BCLAF3: variants seen among roughly 807,000 people sequenced by gnomAD.
BCLAF3 encodes the protein BCLAF1 and THRAP3 family member 3, also known as transient octamer binding factor 1.
Under a neutral mutation model 51.2 loss-of-function variants are expected in BCLAF3, and 24 were observed. The observed-to-expected ratio is 0.47, with a 90% CI of 0.34 to 0.66. BCLAF3 has a LOEUF of 0.66. Among genes scored for constraint, BCLAF3 ranks in the 30% least tolerant of loss-of-function variants. BCLAF3 has a pLI of 0.01. For synonymous variants in BCLAF3, 152 were observed against 176.6 expected (o/e 0.86, Z 1.10); for missense variants, 465 against 525.1 (o/e 0.89, Z 1.12).
intron 8 of BCLAF3, among the ~76,000 whole-genome samples, chrX:19,937,894 C>T (rs2070834340): frequency 8.9e-6 from 1 of 111,806 alleles, no homozygotes; most frequent in South Asian, 3.7e-4. Flanking sequence ...GGCAGCACTG[C>T]CCCCCTCCCC....
chrX:19,941,556 G>A (rs12689724), intron 8 of BCLAF3, among the ~76,000 whole-genome samples: 30 of 108,142 alleles, frequency 2.8e-4, no homozygotes, highest in Admixed American at 4.9e-4. Flanking sequence ...TGTTTTTCTC[G>A]GGTTTGTCAA....
chrX:19,975,534 G>A (rs1395909479), intron 1 of BCLAF3, among the ~76,000 whole-genome samples: 1 of 111,190 alleles, frequency 9.0e-6, no homozygotes, highest in African/African-American at 3.3e-5. Context: ...AGTAGAGACA[G>A]GGTTTCACCA....
rs184285832 is a variant in BCLAF3, at chrX:19,978,376, C to T, written c.-34-8078G>A. ...AACAGGGGTTTGGAAGAAGTTGATT[C>T]CAACTCTCACGGATGATTTTGAGGG... On this transcript the variant is annotated intron_variant, in intron 1 of 11. Transcript: ENST00000379682. Among the ~76,000 whole-genome samples the T allele has an allele frequency of 4.8e-3, 530 of 111,268 alleles. 3 individuals are homozygous for T. Among genetic ancestry groups the T allele is most frequent in the Middle Eastern group, 0.014 (3 of 214 alleles).
At chrX:19,990,575 T>TG (rs2072908405) in intron 1 of BCLAF3, among the ~76,000 whole-genome samples, 1 of 113,143 alleles carries the variant, frequency 8.8e-6, no homozygotes, top group Non-Finnish European at 1.9e-5. Context: ...TCTTAACAGA[T>TG]GCAGGGAACC....
intron 4 of BCLAF3, among the ~76,000 whole-genome samples, chrX:19,959,646 C>T (rs1160664640): frequency 5.5e-5 from 6 of 108,366 alleles, no homozygotes; most frequent in African/African-American, 1.0e-4. Flanking sequence ...GGCATGGTGG[C>T]GTGTGCCTAT....
At chrX:19,926,740 A>G in intron 11 of BCLAF3, among the ~76,000 whole-genome samples, 1 of 111,241 alleles carries the variant, frequency 9.0e-6, no homozygotes, top group East Asian at 2.8e-4. Flanking sequence ...CCTTGAGTGA[A>G]AATCAATGAC....
At chrX:19,933,893 C>T (rs777577608) in intron 10 of BCLAF3, among the ~76,000 whole-genome samples, 2 of 111,482 alleles carry the variant, frequency 1.8e-5, no homozygotes, top group Admixed American at 1.9e-4. Flanking sequence ...ACCTCAGCCT[C>T]CTGAGTAGCT....
intron 8 of BCLAF3, among the ~76,000 whole-genome samples, chrX:19,946,797 A>C (rs1393301333): frequency 1.8e-5 from 2 of 111,630 alleles, no homozygotes; most frequent in Non-Finnish European, 3.8e-5. Context: ...CCCTCTCTTG[A>C]AATACTATCC....
chrX:19,917,632 C>T (rs905721641), intron 11 of BCLAF3, among the ~76,000 whole-genome samples: 6 of 111,642 alleles, frequency 5.4e-5, no homozygotes, highest in African/African-American at 1.9e-4. Flanking sequence ...TGAAGGCATC[C>T]CTGGCATAAA....
intron 8 of BCLAF3, among the ~76,000 whole-genome samples, chrX:19,938,239 T>C (rs1407244962): frequency 9.0e-6 from 1 of 110,581 alleles, no homozygotes; most frequent in Non-Finnish European, 1.9e-5. Context: ...CCCCTTCCTG[T>C]GTCTTCTGCA....
intron 1 of BCLAF3, among the ~76,000 whole-genome samples, chrX:19,972,434 T>C (rs1166230181): frequency 1.3e-4 from 15 of 112,116 alleles, no homozygotes; most frequent in African/African-American, 4.9e-4. Flanking sequence ...CTGATGATAA[T>C]GAGAAAGGAA....
In BCLAF3 at chrX:19,966,494, C is replaced by T. The variant is rs371556988; in HGVS notation, c.197G>A (p.Arg66His). ...ATAAGACTGGTAATATATATTTCCA[C>T]GAGAGGGAATCCTTGGTTTACTCTG... ...HGQSKPRIPSRGNIYYQSYEH... is the reference protein window; with the variant it reads ...HGQSKPRIPSHGNIYYQSYEH... The change falls in exon 3 of 12, where the codon CGT (arginine) becomes CAT (histidine). Residue 66 changes from arginine to histidine, a missense_variant. Physicochemically the swap from Arg to His is conservative, Grantham distance 29 (BLOSUM62 0). Transcript: ENST00000379682. 101 of 1,209,277 alleles carry T rather than the reference C, an allele frequency of 8.4e-5. No individual in the cohort carries two copies. Among genetic ancestry groups the T allele is most frequent in the Admixed American group, 1.1e-4 (5 of 45,621 alleles).
chrX:19,951,233 A>C (rs1223345232), intron 7 of BCLAF3, among the ~76,000 whole-genome samples: 2 of 111,928 alleles, frequency 1.8e-5, no homozygotes, highest in African/African-American at 6.5e-5. Context: ...AGTCAAAAGA[A>C]TAATGTACAA....
chrX:19,928,444 G>T (rs189083806), intron 11 of BCLAF3, among the ~76,000 whole-genome samples: 1 of 109,159 alleles, frequency 9.2e-6, no homozygotes, highest in Non-Finnish European at 1.9e-5. Context: ...TTAGCCAGGC[G>T]TAGTGGCAGG....
rs774147202 is a variant in BCLAF3 at position 19,917,354 on chromosome X, GAAAT to G, written c.2107-24_2107-21del. On this transcript the variant is annotated intron_variant, in intron 11 of 11. Coordinates refer to ENST00000379682, the MANE Select transcript of BCLAF3 (RefSeq NM_001367774.2). ...ATATTCCTATTGAGAGAAAACAAGA[GAAAT>G]AAAGACTTCAAACAAAGTGTCAAAC... The G allele has an allele frequency of 1.7e-5, 20 of 1,160,955 alleles. No individual in the cohort carries two copies. In the African/African-American group the frequency reaches 3.6e-4, roughly 21 times the overall value.
intron 8 of BCLAF3, among the ~76,000 whole-genome samples, chrX:19,940,733 G>A (rs1207308671): frequency 3.7e-5 from 4 of 108,778 alleles, no homozygotes; most frequent in Admixed American, 9.9e-5. Context: ...ATAAACATAC[G>A]TGTGCATGTG....
chrX:19,978,710 A>G (rs1172808446), intron 1 of BCLAF3, among the ~76,000 whole-genome samples: 3 of 111,895 alleles, frequency 2.7e-5, no homozygotes, highest in African/African-American at 9.7e-5. Context: ...TGCTACTGTG[A>G]GTAAAATGCT....
chrX:19,983,109 C>T (rs772158760), intron 1 of BCLAF3, among the ~76,000 whole-genome samples: 67 of 106,282 alleles, frequency 6.3e-4, no homozygotes, highest in African/African-American at 2.2e-3. Context: ...TGTGCAGCAC[C>T]ACGCCCAGCT....
intron 10 of BCLAF3, 59 bp downstream of exon 10, chrX:19,935,750 A>G (rs767767386): frequency 3.2e-6 from 3 of 948,122 alleles, no homozygotes; most frequent in Non-Finnish European, 4.5e-6. Context: ...AACACTTAAA[A>G]CATTGTGTCC....
Sources: gnomAD v4.1 joint callset for allele counts (sites outside exome capture counted in the v4.1 genomes callset) on GRCh38, gnomAD v4.1.1 for gene constraint, MANE v1.5 for transcripts, NCBI Gene and HGNC (gene_info 2026-07-23, HGNC 2026-07-21) for gene names.